ZC3HAV1: variants seen among roughly 807,000 people sequenced by gnomAD.
ZC3HAV1 encodes the protein zinc finger CCCH-type antiviral protein 1.
Under a neutral mutation model 86.6 loss-of-function variants are expected in ZC3HAV1, and 41 were observed. The ratio of observed to expected loss-of-function variants is 0.47; its 90% CI spans 0.37 to 0.61. The LOEUF (loss-of-function observed/expected upper bound fraction) is 0.61. Among genes scored for constraint, ZC3HAV1 ranks in the 20% least tolerant of loss-of-function variants. The probability of loss-of-function intolerance (pLI) is 0.00; values close to 1 mark genes in which losing one functional copy is unlikely to be tolerated. For missense variants in ZC3HAV1, 964 were observed against 1,141.1 expected (o/e 0.84, Z 2.24); for synonymous variants, 421 against 432.1 (o/e 0.97, Z 0.32).
chr7:139,059,414 C>T lies in ZC3HAV1; in HGVS notation c.2096+1622G>A, dbSNP rs149504527. Among the ~76,000 whole-genome samples, 1,433 of 152,108 alleles carry T rather than the reference C, an allele frequency of 9.4e-3. 24 individuals are homozygous for T. The highest frequency in any genetic ancestry group is 0.032 in the African/African-American group (1,343 of 41,474). On this transcript the variant is annotated intron_variant, in intron 9 of 12. Transcript: ENST00000242351. ...GGTGGATCACCTGAGGTCAAGAGTT[C>T]GAGACCAGCCTGGCCCTCACGGTGA...
Position 139,055,222 on chromosome 7 carries a change from A to C in ZC3HAV1, c.2170T>G (p.Ser724Ala), listed in dbSNP as rs1816248890. The change falls in exon 10 of 13, where the codon TCC becomes GCC. Residue 724 changes from serine to alanine, a missense_variant. Physicochemically the swap from Ser to Ala is moderately conservative, Grantham distance 99. Transcript: ENST00000242351. ...FRPQEDFCFL[S>A]SKKYKLSEIH... ...CCAAGTACCTTATATTTCTTTGAGG[A>C]TAGGAAGCAAAAGTCCTCCTGAGGA... The C allele has an allele frequency of 1.2e-6, 2 of 1,613,026 alleles. No individual in the cohort carries two copies. Among genetic ancestry groups the C allele is most frequent in the Non-Finnish European group, 1.7e-6 (2 of 1,179,462 alleles).
rs1047129 is a variant in ZC3HAV1 at position 139,046,652 on chromosome 7, T to C, written c.*942A>G. The C allele has an allele frequency of 0.47, 71,456 of 152,028 alleles. 17,016 individuals carry two copies. Among genetic ancestry groups the C allele is most frequent in the Non-Finnish European group, 0.5 (33,831 of 67,986 alleles). 9.4% of individuals were successfully genotyped at this position (152,028 alleles called of 1,614,324 possible). A position where few individuals can be genotyped will look rare whatever the true frequency, so the allele number is the denominator to read the frequency against. On this transcript the variant is annotated 3_prime_UTR_variant, in exon 13 of 13. Transcript: ENST00000242351. ...TTTGTCCCCTAAATAAATGTAGCGA[T>C]AAAGAAAAGGGTGCTCCAAATCAGT... is the stretch of plus-strand genomic sequence containing the variant.
chr7:139,097,438 T>TA (rs1817637344), intron 1 of ZC3HAV1, among the ~76,000 whole-genome samples: 1 of 111,070 alleles, frequency 9.0e-6, no homozygotes, highest in African/African-American at 4.0e-5. Context: ...ATTTTTTTTT[T>TA]TTTTTTTTTT....
chr7:139,063,027 C>CAAAAAAAAAAAAAAAAA (rs58859916), intron 8 of ZC3HAV1, among the ~76,000 whole-genome samples: 19 of 68,076 alleles, frequency 2.8e-4, no homozygotes, highest in East Asian at 4.3e-4. Flanking sequence ...GACTCTGTCT[C>CAAAAAAAAAAAAAAAAA]AAAAAAAAAA....
intron 2 of ZC3HAV1, among the ~76,000 whole-genome samples, chr7:139,086,580 T>G (rs1314799314): frequency 6.6e-6 from 1 of 152,156 alleles, no homozygotes; most frequent in Non-Finnish European, 1.5e-5. Flanking sequence ...TGCCTTGTCT[T>G]AGGTTCATAT....
At chr7:139,104,782 A>T (rs1263923314) in intron 1 of ZC3HAV1, among the ~76,000 whole-genome samples, 3 of 150,190 alleles carry the variant, frequency 2.0e-5, no homozygotes, top group Admixed American at 6.7e-5. Context: ...TCATGCCTGT[A>T]ATCCTGCACT....
chr7:139,085,775 G>A (rs1817255756), intron 2 of ZC3HAV1, among the ~76,000 whole-genome samples: 1 of 152,148 alleles, frequency 6.6e-6, no homozygotes, highest in South Asian at 2.1e-4. Context: ...CACTTTGGGA[G>A]GCTGAGGCGG....
chr7:139,064,783 GGCCATAGCAAT>G, intron 8 of ZC3HAV1, 85 bp downstream of exon 8: 1 of 1,582,994 alleles, frequency 6.3e-7, no homozygotes, highest in Admixed American at 1.7e-5. Flanking sequence ...CCTTGACCCT[GGCCATAGCAAT>G]GCATACCCAC....
chr7:139,048,902 T>C (rs768911536), intron 12 of ZC3HAV1, among the ~76,000 whole-genome samples: 1 of 152,260 alleles, frequency 6.6e-6, no homozygotes, highest in African/African-American at 2.4e-5. Flanking sequence ...TATACTGACC[T>C]ACGACGTCCA....
intron 2 of ZC3HAV1, among the ~76,000 whole-genome samples, chr7:139,088,882 C>A (rs1438894112): frequency 6.6e-6 from 1 of 152,008 alleles, no homozygotes; most frequent in African/African-American, 2.4e-5. Flanking sequence ...GTGGGCAGAT[C>A]ACTTGAGGTC....
intron 1 of ZC3HAV1, among the ~76,000 whole-genome samples, chr7:139,094,509 A>AG (rs1817525125): frequency 1.3e-5 from 2 of 151,974 alleles, no homozygotes; most frequent in South Asian, 4.2e-4. Flanking sequence ...AAAAAAAAAA[A>AG]AAAAACAGCA....
chr7:139,053,034 G>A (rs1430804602), intron 12 of ZC3HAV1, among the ~76,000 whole-genome samples: 6 of 152,162 alleles, frequency 3.9e-5, no homozygotes, highest in Non-Finnish European at 5.9e-5. Context: ...AGTGTGGCCT[G>A]AGATGGGGAG....
intron 12 of ZC3HAV1, among the ~76,000 whole-genome samples, chr7:139,052,396 A>G (rs1401060813): frequency 6.7e-6 from 1 of 150,258 alleles, no homozygotes; most frequent in Non-Finnish European, 1.5e-5. Context: ...CCCTGAGGTC[A>G]GGAGTTCTAG....
At chr7:139,088,392 C>T (rs1584865276) in intron 2 of ZC3HAV1, among the ~76,000 whole-genome samples, 5 of 152,304 alleles carry the variant, frequency 3.3e-5, no homozygotes, top group African/African-American at 1.2e-4. Flanking sequence ...AATCTCTGGT[C>T]AATGTGATTG....
chr7:139,064,427 T>C (rs1193717627), intron 8 of ZC3HAV1, among the ~76,000 whole-genome samples: 1 of 152,196 alleles, frequency 6.6e-6, no homozygotes, highest in African/African-American at 2.4e-5. Flanking sequence ...ATCAATGTGA[T>C]GATGGAACTA....
intron 12 of ZC3HAV1, among the ~76,000 whole-genome samples, chr7:139,052,733 G>C (rs1356159764): frequency 6.6e-6 from 1 of 151,070 alleles, no homozygotes; most frequent in Non-Finnish European, 1.5e-5. Flanking sequence ...ACCAGCCTTG[G>C]CAACATGGCG....
intron 12 of ZC3HAV1, 109 bp from the exon 13 acceptor site, chr7:139,047,962 A>C (rs887313019): frequency 9.0e-7 from 1 of 1,115,886 alleles, no homozygotes; most frequent in Non-Finnish European, 1.3e-6. Flanking sequence ...TATGTCAATA[A>C]TACCTTACTG....
chr7:139,066,680 C>T (rs1043927939), intron 7 of ZC3HAV1, among the ~76,000 whole-genome samples: 2 of 152,120 alleles, frequency 1.3e-5, no homozygotes, highest in East Asian at 1.9e-4. Flanking sequence ...ATGCCTTCCT[C>T]GGGCCAAAGT....
At chr7:139,055,439 C>T (rs1293681032) in intron 9 of ZC3HAV1, 144 bp from the exon 10 acceptor site, 7 of 580,082 alleles carry the variant, frequency 1.2e-5, no homozygotes, top group East Asian at 9.2e-5. Flanking sequence ...ACTACATCCT[C>T]ACATATTCCT....
Sources: allele counts gnomAD v4.1 joint callset (sites outside exome capture counted in the v4.1 genomes callset), GRCh38; gene constraint gnomAD v4.1.1; transcripts MANE v1.5; gene names NCBI Gene and HGNC (gene_info 2026-07-23, HGNC 2026-07-21).